Variants in DENND2B observed in about 807,000 individuals in gnomAD.
DENND2B encodes DENN domain containing 2B.
DENND2B carries 32 observed loss-of-function variants against 116.0 expected under a neutral mutation model. The ratio of observed to expected loss-of-function variants is 0.28; its 90% CI spans 0.21 to 0.37. The LOEUF is 0.37. Among genes scored for constraint, DENND2B ranks in the 10% least tolerant of loss-of-function variants. DENND2B has a pLI of 1.00. For missense variants in DENND2B, 1,276 were observed against 1,477.7 expected (o/e 0.86, Z 2.24); for synonymous variants, 588 against 583.9 (o/e 1.01, Z -0.10).
chr11:8,739,239 C>T (rs1227063559), intron 2 of DENND2B, among the ~76,000 whole-genome samples: 1 of 152,184 alleles, frequency 6.6e-6, no homozygotes, highest in Admixed American at 6.5e-5. Flanking sequence ...GAAAGGTACA[C>T]GAAGCACTCG....
At chr11:8,723,547 C>T (rs918123934) in intron 4 of DENND2B, among the ~76,000 whole-genome samples, 4 of 152,188 alleles carry the variant, frequency 2.6e-5, no homozygotes, top group Admixed American at 2.6e-4. Flanking sequence ...GGAGGACTTT[C>T]TTCCACTCTG....
rs182909977 is a variant in DENND2B at position 8,890,944 on chromosome 11, T to G, written c.-255-9835A>C. Among the ~76,000 whole-genome samples, 8 of 152,268 alleles carry G rather than the reference T, an allele frequency of 5.3e-5. No homozygotes were observed. In the East Asian group the frequency reaches 1.4e-3, roughly 26 times the overall value. The stretch of plus-strand genomic sequence containing the variant: ...AACTCCAAGACACATAATTGTCAGA[T>G]TCACCAAAGTTGAAATGAAGGAAAA... On this transcript the variant is annotated intron_variant, in intron 1 of 22. Transcript: ENST00000534127.
intron 1 of DENND2B, chr11:8,774,254 GTC>G: frequency 2.0e-6 from 2 of 985,454 alleles, no homozygotes; most frequent in Non-Finnish European, 2.4e-6. Context: ...ATGACTAGCA[GTC>G]TCTTCCAGAA....
intron 1 of DENND2B, among the ~76,000 whole-genome samples, chr11:8,781,241 C>T (rs1267504858): frequency 3.9e-5 from 6 of 152,020 alleles, no homozygotes; most frequent in African/African-American, 1.5e-4. Context: ...AGCCTGAAGT[C>T]AATAGGCAGG....
chr11:8,764,644 A>G (rs1223551109), intron 1 of DENND2B, among the ~76,000 whole-genome samples: 1 of 151,992 alleles, frequency 6.6e-6, no homozygotes, highest in East Asian at 1.9e-4. Context: ...TCCCAAGTAC[A>G]CCCCTGCAGC....
intron 2 of DENND2B, among the ~76,000 whole-genome samples, chr11:8,859,061 G>T (rs914699962): frequency 2.0e-5 from 3 of 152,134 alleles, no homozygotes; most frequent in Non-Finnish European, 2.9e-5. Flanking sequence ...AGCTCCAAAG[G>T]CCTCCATTTG....
chr11:8,802,280 G>A (rs547345816), intron 1 of DENND2B, among the ~76,000 whole-genome samples: 26 of 143,472 alleles, frequency 1.8e-4, no homozygotes, highest in South Asian at 7.0e-4. Context: ...CAGCCTGGGC[G>A]ACAGTGAGAC....
intron 1 of DENND2B, among the ~76,000 whole-genome samples, chr11:8,766,929 T>C (rs2055918945): frequency 6.6e-6 from 1 of 152,148 alleles, no homozygotes; most frequent in Non-Finnish European, 1.5e-5. Flanking sequence ...AGCAAGGCTG[T>C]GTGTAGATTC....
At chr11:8,756,459 G>A (rs1319803208) in intron 1 of DENND2B, among the ~76,000 whole-genome samples, 1 of 152,198 alleles carries the variant, frequency 6.6e-6, no homozygotes, top group African/African-American at 2.4e-5. Context: ...TTCTCCAAGA[G>A]TGCAGCTGCC....
chr11:8,887,324 G>A (rs2063973061), intron 1 of DENND2B, among the ~76,000 whole-genome samples: 1 of 152,134 alleles, frequency 6.6e-6, no homozygotes, highest in Admixed American at 6.5e-5. Flanking sequence ...CAATTTGGTT[G>A]TAGTCAAAGA....
At chr11:8,738,400 C>A (rs143856955) in intron 2 of DENND2B, among the ~76,000 whole-genome samples, 10 of 152,184 alleles carry the variant, frequency 6.6e-5, no homozygotes, top group African/African-American at 2.4e-4. Flanking sequence ...AACACTGGAA[C>A]GTCCCAGCGC....
At chr11:8,833,427 C>T (rs2062294517) in intron 4 of DENND2B, among the ~76,000 whole-genome samples, 1 of 152,076 alleles carries the variant, frequency 6.6e-6, no homozygotes, top group African/African-American at 2.4e-5. Context: ...AAGGGCAATT[C>T]CTAATACAGA....
At chr11:8,876,210 A>G (rs376212768), upstream of DENND2B, among the ~76,000 whole-genome samples, 5 of 152,062 alleles carry the variant, frequency 3.3e-5, no homozygotes, top group African/African-American at 1.2e-4. Flanking sequence ...ACATAGCAAG[A>G]CCCCATCTCT....
At chr11:8,894,869 T>C (rs999248449) in intron 1 of DENND2B, among the ~76,000 whole-genome samples, 5 of 152,156 alleles carry the variant, frequency 3.3e-5, no homozygotes, top group Admixed American at 3.3e-4. Flanking sequence ...GAACTAGAAA[T>C]ACCATTTGAC....
intron 1 of DENND2B, among the ~76,000 whole-genome samples, chr11:8,803,310 G>A (rs1472150737): frequency 2.0e-5 from 3 of 152,134 alleles, no homozygotes; most frequent in Middle Eastern, 3.2e-3. Context: ...GCTAGAACCC[G>A]GGAGGTGGAG....
Position 8,696,664 on chromosome 11 carries a change from A to T in DENND2B, c.3055T>A (p.Cys1019Ser), listed in dbSNP as rs774975391. The change falls in exon 18 of 20, where the codon TGT becomes AGT. Residue 1019 changes from cysteine to serine, a missense_variant and splice_region_variant. Physicochemically the swap from Cys to Ser is moderately radical, Grantham distance 112. Transcript: ENST00000313726. Reference sequence around the variant, plus strand: ...GACACCAGCCCATTGAGGGTATTACATTCTGGAAGGGAAAAGACAATCTTT... The same window carrying T: ...GACACCAGCCCATTGAGGGTATTACTTTCTGGAAGGGAAAAGACAATCTTT... Reference protein sequence around the residue: ...QDSDSDSDDECNTLNGLVSEV... With the variant: ...QDSDSDSDDESNTLNGLVSEV... The T allele has an allele frequency of 1.2e-6, 2 of 1,613,540 alleles. No homozygotes were observed. Among genetic ancestry groups the T allele is most frequent in the African/African-American group, 2.7e-5 (2 of 74,890 alleles).
At chr11:8,705,627 G>A (rs76868749) in intron 13 of DENND2B, among the ~76,000 whole-genome samples, 3,063 of 152,114 alleles carry the variant, frequency 0.02, 98 homozygotes, top group African/African-American at 0.068. Flanking sequence ...TACACATTTG[G>A]ACTCTTGCTC....
intron 9 of DENND2B, 143 bp from the exon 10 acceptor site, chr11:8,711,374 T>A (rs916833483): frequency 1.5e-6 from 1 of 669,904 alleles, no homozygotes; most frequent in South Asian, 1.7e-5. Flanking sequence ...TCCGAATTCT[T>A]ACAGAGCCCA....
At chr11:8,909,432 G>GAGA (rs1222230346) in intron 1 of DENND2B, among the ~76,000 whole-genome samples, 29 of 39,712 alleles carry the variant, frequency 7.3e-4, no homozygotes, top group African/African-American at 1.1e-3. Flanking sequence ...GAAGGAGGAG[G>GAGA]AGGAGGAAGA....
Sources: gnomAD v4.1 joint callset for allele counts (sites outside exome capture counted in the v4.1 genomes callset) on GRCh38, gnomAD v4.1.1 for gene constraint, MANE v1.5 for transcripts, NCBI Gene and HGNC (gene_info 2026-07-23, HGNC 2026-07-21) for gene names.